Variants in PTPRD observed in about 807,000 individuals in gnomAD.
PTPRD encodes the protein protein tyrosine phosphatase receptor type D.
A neutral mutation model predicts 214.5 loss-of-function variants in PTPRD; 34 were observed. That is an observed-to-expected ratio of 0.16 (90% CI 0.12 to 0.21). The LOEUF is 0.21. Ranked by LOEUF, PTPRD falls within the 10% of genes least tolerant of loss-of-function variation. The pLI is 1.00. For synonymous variants in PTPRD, 1,128 were observed against 845.7 expected (o/e 1.33, Z -5.79); for missense variants, 2,545 against 2,398.7 (o/e 1.06, Z -1.27).
chr9:8,515,037 T>C (rs142541203), intron 21 of PTPRD, among the ~76,000 whole-genome samples: 28 of 152,284 alleles, frequency 1.8e-4, no homozygotes, highest in African/African-American at 6.5e-4. Flanking sequence ...TCCCTAGCCA[T>C]GTGAAATTGT....
chr9:8,500,347 C>T (rs12378463), intron 24 of PTPRD, among the ~76,000 whole-genome samples: 6 of 150,910 alleles, frequency 4.0e-5, no homozygotes, highest in Non-Finnish European at 7.4e-5. Context: ...GCATCAATGT[C>T]TCTGAAATAT....
intron 11 of PTPRD, among the ~76,000 whole-genome samples, chr9:9,002,890 T>A (rs2099429533): frequency 1.3e-5 from 2 of 152,066 alleles, no homozygotes; most frequent in South Asian, 4.1e-4. Flanking sequence ...TCCTTAGATT[T>A]TACTTTCAGT....
intron 8 of PTPRD, among the ~76,000 whole-genome samples, chr9:9,563,734 A>G (rs1015447602): frequency 6.6e-6 from 1 of 152,170 alleles, no homozygotes; most frequent in Non-Finnish European, 1.5e-5. Flanking sequence ...CATGCATCCA[A>G]TATATGATGT....
chr9:8,365,514 G>A (rs1054662696), intron 39 of PTPRD, among the ~76,000 whole-genome samples: 4 of 151,972 alleles, frequency 2.6e-5, no homozygotes, highest in South Asian at 2.1e-4. Flanking sequence ...TCCTCTCATC[G>A]AGCCTGGGGA....
At chr9:9,227,759 C>G (rs547255398) in intron 9 of PTPRD, among the ~76,000 whole-genome samples, 1 of 152,206 alleles carries the variant, frequency 6.6e-6, no homozygotes, top group Admixed American at 6.5e-5. Context: ...GAAGAACGGA[C>G]ACATCCTGCC....
At position 9,853,557 on chromosome 9, in the gene PTPRD, TG is replaced by T. The variant is rs2060956407; in HGVS notation, c.-368+84949del. 2.6e-5 allele frequency among the ~76,000 whole-genome samples: 4 copies of T among 152,196 alleles called. No homozygotes were observed. In the South Asian group the frequency reaches 8.3e-4, roughly 32 times the overall value. ...TTTAAGGGTTTTTTTTGTTGTTTTT[TG>T]GTTTTTTTTTAGATGGAGTGTCACT... On this transcript the variant is annotated intron_variant, in intron 5 of 45. Coordinates refer to ENST00000381196, the MANE Select transcript of PTPRD (RefSeq NM_002839.4).
chr9:9,754,942 G>A (rs965795785), intron 6 of PTPRD, among the ~76,000 whole-genome samples: 1 of 151,978 alleles, frequency 6.6e-6, no homozygotes, highest in Non-Finnish European at 1.5e-5. Context: ...TGCAAAGCAG[G>A]TTAGACTTTA....
intron 7 of PTPRD, among the ~76,000 whole-genome samples, chr9:9,668,371 G>A (rs893232824): frequency 2.6e-5 from 4 of 152,110 alleles, no homozygotes; most frequent in African/African-American, 9.7e-5. Context: ...GGAAATTTTT[G>A]CTAACTGCAG....
chr9:9,684,693 T>TTGTGTGTGTGTGTG (rs138242584), intron 7 of PTPRD, among the ~76,000 whole-genome samples: 29 of 149,052 alleles, frequency 1.9e-4, no homozygotes, highest in African/African-American at 6.9e-4. Context: ...AATACAGCAT[T>TTGTGTGTGTGTGTG]TGTGTGTGTG....
chr9:9,927,072 G>C (rs1335172050), intron 5 of PTPRD, among the ~76,000 whole-genome samples: 1 of 151,980 alleles, frequency 6.6e-6, no homozygotes, highest in Non-Finnish European at 1.5e-5. Flanking sequence ...TATTAGTTTT[G>C]TGATATTTAA....
intron 11 of PTPRD, among the ~76,000 whole-genome samples, chr9:8,930,641 A>C (rs1261870845): frequency 1.3e-5 from 2 of 152,126 alleles, no homozygotes; most frequent in East Asian, 1.9e-4. Flanking sequence ...CTGACTTTTT[A>C]ATGATCACCA....
intron 4 of PTPRD, among the ~76,000 whole-genome samples, chr9:10,031,814 G>A (rs1035023109): frequency 1.3e-5 from 2 of 151,470 alleles, no homozygotes; most frequent in South Asian, 2.1e-4. Context: ...CAATGTATCT[G>A]TATTTCAGAA....
intron 2 of PTPRD, among the ~76,000 whole-genome samples, chr9:10,566,393 C>T (rs2131726559): frequency 6.6e-6 from 1 of 152,028 alleles, no homozygotes; most frequent in African/African-American, 2.4e-5. Context: ...TATGAAAATT[C>T]CCAATTGTTT....
intron 36 of PTPRD, among the ~76,000 whole-genome samples, chr9:8,391,376 G>T (rs1271663936): frequency 6.6e-6 from 1 of 152,148 alleles, no homozygotes; most frequent in Non-Finnish European, 1.5e-5. Flanking sequence ...TGCATGGTTG[G>T]CTGTAACATT....
At chr9:9,971,083 A>G (rs2095070986) in intron 4 of PTPRD, among the ~76,000 whole-genome samples, 1 of 152,182 alleles carries the variant, frequency 6.6e-6, no homozygotes, top group South Asian at 2.1e-4. Flanking sequence ...AATTGGTTCT[A>G]TTTGTCACCC....
chr9:9,744,955 T>C (rs1339928657), intron 6 of PTPRD, among the ~76,000 whole-genome samples: 1 of 152,034 alleles, frequency 6.6e-6, no homozygotes, highest in Non-Finnish European at 1.5e-5. Flanking sequence ...CAGAAATCAA[T>C]AGAAAGCATT....
chr9:8,448,430 A>G (rs112448801), intron 34 of PTPRD, among the ~76,000 whole-genome samples: 363 of 152,234 alleles, frequency 2.4e-3, no homozygotes, highest in African/African-American at 8.5e-3. Flanking sequence ...ACCCAATGAA[A>G]TTTACTACAG....
At chr9:10,281,429 G>C (rs1289885570) in intron 3 of PTPRD, among the ~76,000 whole-genome samples, 1 of 150,748 alleles carries the variant, frequency 6.6e-6, no homozygotes, top group African/African-American at 2.5e-5. Flanking sequence ...TTCATGCTTT[G>C]CTTTATGGAA....
chr9:8,561,971 T>C (rs2154211401), intron 14 of PTPRD, among the ~76,000 whole-genome samples: 1 of 152,136 alleles, frequency 6.6e-6, no homozygotes, highest in East Asian at 1.9e-4. Flanking sequence ...ATAGTCCTAC[T>C]AGAGTTTAAA....
Sources: gnomAD v4.1 joint callset for allele counts (sites outside exome capture counted in the v4.1 genomes callset) on GRCh38, gnomAD v4.1.1 for gene constraint, MANE v1.5 for transcripts, NCBI Gene and HGNC (gene_info 2026-07-23, HGNC 2026-07-21) for gene names.